The following SLC2A14 variants were observed in gnomAD, a reference collection of about 807,000 sequenced individuals.
The protein encoded by SLC2A14 is solute carrier family 2 member 14.
In SLC2A14, 13 loss-of-function variants were observed where a neutral mutation model predicts 43.0. The observed-to-expected ratio is 0.30, with a 90% CI of 0.20 to 0.48. The LOEUF (loss-of-function observed/expected upper bound fraction) is 0.48, where lower values mean the gene tolerates loss of function less well. Ranked by LOEUF, SLC2A14 falls within the 20% of genes least tolerant of loss-of-function variation. The pLI is 0.99. For missense variants in SLC2A14, 428 were observed against 620.4 expected (o/e 0.69, Z 3.29); for synonymous variants, 190 against 233.8 (o/e 0.81, Z 1.71).
chr12:7,880,686 G>A (rs1945552731), intron 1 of SLC2A14, among the ~76,000 whole-genome samples: 1 of 64,282 alleles, frequency 1.6e-5, no homozygotes, highest in African/African-American at 6.3e-5. Context: ...CATTAGCTGG[G>A]TCTCAAAAAA....
At chr12:7,874,565 C>T (rs762665090), upstream of SLC2A14, among the ~76,000 whole-genome samples, 11 of 151,012 alleles carry the variant, frequency 7.3e-5, no homozygotes, top group Non-Finnish European at 1.3e-4. Flanking sequence ...CCAGCTACTC[C>T]GGAGACTGAG....
At chr12:7,838,040 G>T (rs1865605059) in intron 2 of SLC2A14, among the ~76,000 whole-genome samples, 1 of 151,826 alleles carries the variant, frequency 6.6e-6, no homozygotes, top group Admixed American at 6.6e-5. Context: ...TTATAGGTGT[G>T]AGCCACCATG....
chr12:7,891,171 C>G (rs778159264), upstream of SLC2A14: 20 of 1,519,274 alleles, frequency 1.3e-5, no homozygotes, highest in Non-Finnish European at 1.8e-5. Context: ...CCAGCTGCTC[C>G]CAGTGCAGAC....
chr12:7,887,932 G>C (rs1048526811), intron 1 of SLC2A14, among the ~76,000 whole-genome samples: 1 of 152,114 alleles, frequency 6.6e-6, no homozygotes, highest in Non-Finnish European at 1.5e-5. Context: ...AGAGTCACGA[G>C]TCAAACTGCT....
At position 7,831,673 on chromosome 12, in the gene SLC2A14, A is replaced by T. The variant is rs757193850; in HGVS notation, c.203T>A (p.Val68Glu). 1.9e-6 allele frequency: 3 copies of T among 1,614,250 alleles called. No homozygotes were observed. The Admixed American group carries it at 5.0e-5, about 27-fold the overall frequency. The change falls in exon 4 of 11, where the codon GTG becomes GAG. Residue 68 changes from valine (V) to glutamate (E), a missense_variant. Val to Glu is a moderately radical substitution (Grantham distance 121, BLOSUM62 -2). This residue lies in a region of SLC2A14 where 122 missense variants were observed against 128.8 expected (regional missense o/e 0.95). Transcript: ENST00000431042. ...VLLTNLWSLS[V>E]AIFSVGGMIG... is the part of the protein sequence containing the mutation. The stretch of plus-strand genomic sequence containing the variant: ...CATACCCCCGACGGAAAATATGGCC[A>T]CAGACAAGGACCAGAGATTCGTGAG...
chr12:7,890,920 T>G, intron 1 of SLC2A14: 1 of 1,450,510 alleles, frequency 6.9e-7, no homozygotes, highest in African/African-American at 1.4e-5. Context: ...GGAGGGCAAG[T>G]TTTTCCCTTT....
At chr12:7,873,118 G>A (rs1945332853), upstream of SLC2A14, 1 of 985,438 alleles carries the variant, frequency 1.0e-6, no homozygotes. Flanking sequence ...GGCTGCTGGG[G>A]ATCCCTCCGA....
At chr12:7,888,467 A>G (rs1483693720) in intron 1 of SLC2A14, among the ~76,000 whole-genome samples, 1 of 152,132 alleles carries the variant, frequency 6.6e-6, no homozygotes, top group Non-Finnish European at 1.5e-5. Context: ...ATTGAATTCT[A>G]GATATATTTT....
upstream of SLC2A14, among the ~76,000 whole-genome samples, chr12:7,875,087 T>G (rs1188298434): frequency 1.5e-5 from 2 of 130,980 alleles, no homozygotes; most frequent in African/African-American, 5.9e-5. Flanking sequence ...TTTAATATTC[T>G]ATTTAAATTT....
At position 7,831,638 on chromosome 12, in the gene SLC2A14, A is replaced by G; in HGVS notation, c.238T>C (p.Phe80Leu). 1 of 1,614,214 alleles carries G rather than the reference A, an allele frequency of 6.2e-7. No individual in the cohort carries two copies. The highest frequency in any genetic ancestry group is 1.1e-5 in the South Asian group (1 of 91,084). ...IFSVGGMIGSFSVGLFVNRFG... is the reference protein window; with the variant it reads ...IFSVGGMIGSLSVGLFVNRFG... ...CGGTTAACAAAGAGTCCGACGGAAA[A>G]GGAGCCGATCATACCCCCGACGGAA... The change falls in exon 4 of 11, where the codon TTT becomes CTT. Residue 80 changes from phenylalanine to leucine, a missense_variant. Physicochemically the swap from Phe to Leu is conservative, Grantham distance 22. Around this residue, in one of 4 missense-constraint regions of SLC2A14, gnomAD observed 122 missense variants for 128.8 expected, o/e 0.95. Coordinates refer to ENST00000431042, the MANE Select transcript of SLC2A14 (RefSeq NM_001286234.2).
chr12:7,852,011 T>C (rs1866975635), intron 2 of SLC2A14, among the ~76,000 whole-genome samples: 1 of 152,158 alleles, frequency 6.6e-6, no homozygotes, highest in Non-Finnish European at 1.5e-5. Flanking sequence ...CTAGTCAACA[T>C]GATTAGTATA....
At chr12:7,841,209 C>A (rs755432534) in intron 2 of SLC2A14, among the ~76,000 whole-genome samples, 1 of 152,062 alleles carries the variant, frequency 6.6e-6, no homozygotes, top group Non-Finnish European at 1.5e-5. Context: ...TCCCTTAACA[C>A]CCCTAATACT....
At chr12:7,847,793 A>G (rs1264260485) in intron 2 of SLC2A14, among the ~76,000 whole-genome samples, 1 of 152,188 alleles carries the variant, frequency 6.6e-6, no homozygotes, top group African/African-American at 2.4e-5. Context: ...AAGCAGAAAC[A>G]AAAGGGTGCA....
intron 1 of SLC2A14, among the ~76,000 whole-genome samples, chr12:7,887,562 TAGATAGATA>T (rs1428439436): frequency 3.3e-4 from 1 of 3,024 alleles, no homozygotes. Context: ...ATAAATCAGA[TAGATAGATA>T]GATAGATAGA....
intron 7 of SLC2A14, among the ~76,000 whole-genome samples, chr12:7,826,836 T>TCCTC: frequency 1.2e-4 from 1 of 8,034 alleles, no homozygotes; most frequent in Non-Finnish European, 4.9e-4. Flanking sequence ...TTTCTTTCTT[T>TCCTC]CCTTCCTTCC....
chr12:7,867,479 G>T (rs144893017), intron 2 of SLC2A14, among the ~76,000 whole-genome samples: 1 of 152,162 alleles, frequency 6.6e-6, no homozygotes, highest in African/African-American at 2.4e-5. Context: ...GGAACCCGAA[G>T]ATGAGACTGA....
At chr12:7,856,025 G>A (rs1185106999) in intron 2 of SLC2A14, 7 of 152,044 alleles carry the variant, frequency 4.6e-5, no homozygotes, top group Non-Finnish European at 1.0e-4. Context: ...ATATCATATT[G>A]TAAAAATTTT....
intron 2 of SLC2A14, among the ~76,000 whole-genome samples, chr12:7,861,824 T>C (rs1302955415): frequency 4.6e-5 from 7 of 151,818 alleles, no homozygotes; most frequent in Non-Finnish European, 8.8e-5. Flanking sequence ...TAGCCAGGTA[T>C]GGTGGCGCAC....
chr12:7,817,840 G>A lies in SLC2A14; in HGVS notation c.1266C>T (p.Pro422=), dbSNP rs766846178. The change falls in exon 10 of 11, where the codon CCC becomes CCT. Residue 422 remains proline, a synonymous_variant. Transcript: ENST00000431042. ...TSNFLVGLLF[P]SAAYYLGAYV... is the part of the protein sequence containing the mutation. ...AGGTGAGTTTACTTACAGCAGCAGA[G>A]GGGAAGAGCAATCCGACTAGGAAGT... The A allele has an allele frequency of 1.9e-6, 3 of 1,613,966 alleles. No individual in the cohort carries two copies. The East Asian group carries it at 6.7e-5, about 36-fold the overall frequency.
Sources: gnomAD v4.1 joint callset for allele counts (sites outside exome capture counted in the v4.1 genomes callset) on GRCh38, gnomAD v4.1.1 for gene constraint, gnomAD v4.1.1 regional missense constraint, MANE v1.5 for transcripts, NCBI Gene and HGNC (gene_info 2026-07-23, HGNC 2026-07-21) for gene names.